DDX60L: variants seen among roughly 807,000 people sequenced by gnomAD.
DDX60L encodes DExD/H-box 60 like.
DDX60L carries 191 observed loss-of-function variants against 211.6 expected under a neutral mutation model. That is an observed-to-expected ratio of 0.90 (90% CI 0.80 to 1.02). The LOEUF is 1.02. DDX60L is among the 50% of genes least tolerant of loss of function. The pLI, the probability that DDX60L is intolerant of heterozygous loss-of-function variation, is 0.00. For synonymous variants in DDX60L, 706 were observed against 694.1 expected (o/e 1.02, Z -0.27); for missense variants, 2,007 against 1,984.1 (o/e 1.01, Z -0.22).
In DDX60L at chr4:168,357,559, C is replaced by T. The variant is rs555578772; in HGVS notation, c.*588G>A. Reference sequence around the variant, plus strand: ...GTCTCTCTGTTAAAGGCACTAATTACATCCAAGGAGCTCCACCCTCATGAC... The same window carrying T: ...GTCTCTCTGTTAAAGGCACTAATTATATCCAAGGAGCTCCACCCTCATGAC... On this transcript the variant is annotated 3_prime_UTR_variant, in exon 38 of 38. Coordinates refer to ENST00000682922, the MANE Select transcript of DDX60L (RefSeq NM_001012967.3). 4 of 152,648 alleles carry T rather than the reference C, an allele frequency of 2.6e-5. No homozygotes were observed. The highest frequency in any genetic ancestry group is 5.9e-5 in the Non-Finnish European group (4 of 68,298). The allele number at this position is 152,648 out of a possible 1,614,324, so 9.5% of individuals were successfully genotyped here.
chr4:168,469,296 C>T (rs985970262), intron 4 of DDX60L: 1 of 152,276 alleles, frequency 6.6e-6, no homozygotes, highest in South Asian at 2.1e-4. Context: ...CCAAAGCAAT[C>T]CACTGGTGGA....
chr4:168,450,670 C>G (rs553612151), intron 8 of DDX60L, among the ~76,000 whole-genome samples: 1 of 152,216 alleles, frequency 6.6e-6, no homozygotes, highest in Non-Finnish European at 1.5e-5. Flanking sequence ...AATCCCAACA[C>G]TTTGTGAGGC....
rs748688013 is a variant in DDX60L at position 168,394,431 on chromosome 4, A to G, written c.3810+34T>C. The G allele has an allele frequency of 1.2e-5, 18 of 1,550,480 alleles. No individual in the cohort carries two copies. In the South Asian group the frequency reaches 2.2e-4, roughly 19 times the overall value. On this transcript the variant is annotated intron_variant, in intron 28 of 37. Transcript: ENST00000682922. ...GGTATTCAGCATCATAATATGCACAACTTTATTTTTTAAATGCAAAGAAAT... is the reference window on the plus strand; with the variant it reads ...GGTATTCAGCATCATAATATGCACAGCTTTATTTTTTAAATGCAAAGAAAT...
intron 13 of DDX60L, among the ~76,000 whole-genome samples, chr4:168,429,108 A>C (rs1340096487): frequency 6.6e-6 from 1 of 152,156 alleles, no homozygotes; most frequent in African/African-American, 2.4e-5. Context: ...ACCTCTATGT[A>C]AAAAGATTTT....
Position 168,432,490 on chromosome 4 carries a change from C to T in DDX60L, c.1481G>A (p.Ser494Asn), listed in dbSNP as rs1362114379. ...ACATTTGATCCTGTCATAGTCGTCA[C>T]TAAGGAGTCTTTGAGCATGCCAGTG... ...LLHWHAQRLL[S>N]DDYDRIKCHV... is the part of the protein sequence containing the mutation. The change falls in exon 12 of 38, where the codon AGT (serine) becomes AAT (asparagine). Residue 494 changes from serine to asparagine, a missense_variant. Transcript: ENST00000682922. 6.3e-7 allele frequency: 1 copy of T among 1,582,514 alleles called. No homozygotes were observed. Among genetic ancestry groups the T allele is most frequent in the Non-Finnish European group, 8.6e-7 (1 of 1,162,108 alleles).
At chr4:168,425,239 G>C (rs559989715) in intron 14 of DDX60L, among the ~76,000 whole-genome samples, 13 of 152,288 alleles carry the variant, frequency 8.5e-5, no homozygotes, top group Non-Finnish European at 1.6e-4. Flanking sequence ...ATTCCTATCT[G>C]ATATGGCATC....
intron 1 of DDX60L, among the ~76,000 whole-genome samples, chr4:168,473,331 TAC>T (rs1362078373): frequency 6.6e-6 from 1 of 152,240 alleles, no homozygotes; most frequent in Non-Finnish European, 1.5e-5. Flanking sequence ...TGGTAAACAT[TAC>T]TCTATCTTTA....
chr4:168,357,028 T>G lies in DDX60L; in HGVS notation c.*1119A>C, dbSNP rs1427104703. 1 of 152,214 alleles carries G rather than the reference T, an allele frequency of 6.6e-6. No homozygotes were observed. Among genetic ancestry groups the G allele is most frequent in the Non-Finnish European group, 1.5e-5 (1 of 68,042 alleles). 9.4% of individuals were successfully genotyped at this position (152,214 alleles called of 1,614,324 possible). On this transcript the variant is annotated 3_prime_UTR_variant, in exon 38 of 38. Coordinates refer to ENST00000682922, the MANE Select transcript of DDX60L (RefSeq NM_001012967.3). ...CAAAAACGCACCTTTAAAGGTTTGT[T>G]TTTGTTATGGTTGCTGTTTGTTCCC...
chr4:168,392,840 C>CAAA (rs60915238), intron 28 of DDX60L, among the ~76,000 whole-genome samples: 2,348 of 126,350 alleles, frequency 0.019, 71 homozygotes, highest in African/African-American at 0.068. Flanking sequence ...AACTCTGTCT[C>CAAA]AAAAAAAAAA....
In DDX60L at chr4:168,405,984, A is replaced by T; in HGVS notation, c.3179T>A (p.Leu1060Ter). ...TTGGCCATTTTTAATCCAATTTGTC[A>T]ATTCTGCCTTTAAGTTTTCTTCATA... Reference protein sequence around the residue: ...RKYEENLKAELTNWIKNGQVK... With the variant: ...RKYEENLKAE Residue 1060 changes from leucine to a stop codon, truncating the protein, a stop_gained, in exon 24 of 38, where the codon TTG (leucine) becomes TAG (stop). Coordinates refer to ENST00000682922, the MANE Select transcript of DDX60L (RefSeq NM_001012967.3). LOFTEE classifies it high-confidence loss of function. 3 of 1,592,872 alleles carry T rather than the reference A, an allele frequency of 1.9e-6. No individual in the cohort carries two copies. The highest frequency in any genetic ancestry group is 2.6e-6 in the Non-Finnish European group (3 of 1,170,934).
At chr4:168,389,887 A>G (rs909075004) in intron 29 of DDX60L, among the ~76,000 whole-genome samples, 3 of 152,196 alleles carry the variant, frequency 2.0e-5, no homozygotes, top group Non-Finnish European at 2.9e-5. Context: ...TAGAACTAAC[A>G]TTTTCTGGTT....
At chr4:168,358,885 T>C (rs1738628888) in intron 37 of DDX60L, among the ~76,000 whole-genome samples, 1 of 152,188 alleles carries the variant, frequency 6.6e-6, no homozygotes, top group Admixed American at 6.5e-5. Context: ...TTCCATATTC[T>C]TAGAACCTAG....
chr4:168,457,153 C>T (rs961966640), intron 6 of DDX60L, among the ~76,000 whole-genome samples: 2 of 151,688 alleles, frequency 1.3e-5, no homozygotes, highest in African/African-American at 2.4e-5. Flanking sequence ...GAGGTCAAGG[C>T]TGCAGTGATC....
intron 31 of DDX60L, 89 bp downstream of exon 31, chr4:168,379,637 C>T: frequency 8.2e-7 from 1 of 1,224,300 alleles, no homozygotes; most frequent in Non-Finnish European, 1.1e-6. Context: ...TCATTGAATG[C>T]AGATTATAGA....
At position 168,442,967 on chromosome 4, in the gene DDX60L, C is replaced by T. The variant is rs376515948; in HGVS notation, c.1139-1475G>A. On this transcript the variant is annotated intron_variant, in intron 9 of 37. Transcript: ENST00000682922. Reference sequence around the variant, plus strand: ...AAACTGGAAACTATAAAAAGCAGAGCGCCTCTCCTCCTCCAAAGGAACGCA... The same window carrying T: ...AAACTGGAAACTATAAAAAGCAGAGTGCCTCTCCTCCTCCAAAGGAACGCA... Among the ~76,000 whole-genome samples the T allele has an allele frequency of 1.7e-3, 262 of 152,238 alleles. 5 individuals are homozygous for T. The South Asian group carries it at 0.048, about 28-fold the overall frequency.
At chr4:168,433,771 T>C (rs538297949) in intron 10 of DDX60L, among the ~76,000 whole-genome samples, 18 of 152,326 alleles carry the variant, frequency 1.2e-4, no homozygotes, top group African/African-American at 3.6e-4. Context: ...CATCTCTCAC[T>C]TTCCTTTGGG....
chr4:168,441,204 T>A (rs1357726772), intron 10 of DDX60L, 133 bp downstream of exon 10: 9 of 840,040 alleles, frequency 1.1e-5, no homozygotes, highest in Admixed American at 3.0e-5. Context: ...ATTTTAAACC[T>A]CAATTAAGAG....
chr4:168,416,740 T>C lies in DDX60L; in HGVS notation c.2668A>G (p.Ile890Val). The change falls in exon 20 of 38, where the codon ATT becomes GTT. Residue 890 changes from isoleucine to valine, a missense_variant. Coordinates refer to ENST00000682922, the MANE Select transcript of DDX60L (RefSeq NM_001012967.3). Reference protein sequence around the residue: ...AKFWELLLVIIRCPFLVLSAT... With the variant: ...AKFWELLLVIVRCPFLVLSAT... ...GAAAGAACCAAAAAGGGACATCGAATAATGACAAGGAGGAGCTCCCAAAAT... is the reference window on the plus strand; with the variant it reads ...GAAAGAACCAAAAAGGGACATCGAACAATGACAAGGAGGAGCTCCCAAAAT... The C allele has an allele frequency of 6.2e-7, 1 of 1,609,532 alleles. No homozygotes were observed. The highest frequency in any genetic ancestry group is 2.2e-5 in the East Asian group (1 of 44,656).
chr4:168,368,049 G>A (rs1740292384), intron 36 of DDX60L, among the ~76,000 whole-genome samples: 1 of 152,236 alleles, frequency 6.6e-6, no homozygotes, highest in Non-Finnish European at 1.5e-5. Context: ...ATTTTCTGAG[G>A]AGAAATTTAA....
Sources: allele counts gnomAD v4.1 joint callset (sites outside exome capture counted in the v4.1 genomes callset), GRCh38; gene constraint gnomAD v4.1.1; transcripts MANE v1.5; gene names NCBI Gene and HGNC (gene_info 2026-07-23, HGNC 2026-07-21).